The following SLC2A13 variants were observed in gnomAD, a reference collection of about 807,000 sequenced individuals.
SLC2A13 encodes the protein proton myo-inositol cotransporter.
In SLC2A13, 32 loss-of-function variants were observed where a neutral mutation model predicts 64.4. The observed-to-expected ratio is 0.50, with a 90% CI of 0.37 to 0.67. The LOEUF is 0.67. SLC2A13 is among the 30% of genes least tolerant of loss of function. The pLI is 0.00. For synonymous variants in SLC2A13, 338 were observed against 327.1 expected, an observed-to-expected ratio of 1.03 and a Z score of -0.36; for missense variants, 743 against 829.2, an observed-to-expected ratio of 0.90 and a Z score of 1.28.
At chr12:39,810,726 A>G (rs1942131752) in intron 7 of SLC2A13, among the ~76,000 whole-genome samples, 1 of 152,134 alleles carries the variant, frequency 6.6e-6, no homozygotes, top group Non-Finnish European at 1.5e-5. Flanking sequence ...ATGTATTAAG[A>G]TGATCATATG....
At chr12:40,013,717 G>A (rs1947571453) in intron 3 of SLC2A13, among the ~76,000 whole-genome samples, 1 of 152,172 alleles carries the variant, frequency 6.6e-6, no homozygotes, top group African/African-American at 2.4e-5. Context: ...TTTCACTAAT[G>A]TACAAAAGAT....
At chr12:39,897,480 T>C (rs906027327) in intron 4 of SLC2A13, among the ~76,000 whole-genome samples, 3 of 152,196 alleles carry the variant, frequency 2.0e-5, no homozygotes, top group East Asian at 1.9e-4. Context: ...CTACAGGGAA[T>C]TGTTATTGGA....
intron 7 of SLC2A13, among the ~76,000 whole-genome samples, chr12:39,789,078 C>T (rs867673974): frequency 4.6e-5 from 7 of 152,176 alleles, no homozygotes; most frequent in South Asian, 4.2e-4. Context: ...ATAAGATAAT[C>T]ACTGATTTAC....
Position 40,078,346 on chromosome 12 carries a change from G to GT in SLC2A13, c.556+26906dup, listed in dbSNP as rs556244110. 2.9e-3 allele frequency among the ~76,000 whole-genome samples: 446 copies of GT among 152,136 alleles called. 3 individuals carry two copies. Among genetic ancestry groups the GT allele is most frequent in the African/African-American group, 0.01 (418 of 41,508 alleles). ...TCCTTCAATGCCTACTTTGTTGAGG[G>GT]TTTTTTTACACGAAGGAATGTTGAA... On this transcript the variant is annotated intron_variant, in intron 1 of 9. Coordinates refer to ENST00000280871, the MANE Select transcript of SLC2A13 (RefSeq NM_052885.4).
intron 6 of SLC2A13, among the ~76,000 whole-genome samples, chr12:39,832,611 C>A (rs1942885960): frequency 6.6e-6 from 1 of 152,076 alleles, no homozygotes; most frequent in African/African-American, 2.4e-5. Flanking sequence ...ACACACTATG[C>A]TAGGTGCTGG....
chr12:40,079,552 T>C (rs1938312432), intron 1 of SLC2A13, among the ~76,000 whole-genome samples: 2 of 152,206 alleles, frequency 1.3e-5, no homozygotes, highest in South Asian at 2.1e-4. Flanking sequence ...GTATGTGCCA[T>C]GTGCAGGTGA....
Position 39,827,440 on chromosome 12 carries a change from C to T in SLC2A13, c.1445+2663G>A, listed in dbSNP as rs1566835880. ...GTAACTACAGAGGCAAGGCCTGGAG[C>T]TTATCTCACTCAGCATTAAAAACTC... On this transcript the variant is annotated intron_variant, in intron 7 of 9. Coordinates refer to ENST00000280871, the MANE Select transcript of SLC2A13 (RefSeq NM_052885.4). 2.6e-5 allele frequency among the ~76,000 whole-genome samples: 4 copies of T among 152,146 alleles called. No individual in the cohort carries two copies. In the East Asian group the frequency reaches 5.8e-4, roughly 22 times the overall value.
chr12:39,785,731 A>C (rs1941162408), intron 7 of SLC2A13, among the ~76,000 whole-genome samples: 1 of 152,112 alleles, frequency 6.6e-6, no homozygotes, highest in South Asian at 2.1e-4. Context: ...ACAGGGGCGG[A>C]GCTGCCCAAG....
intron 6 of SLC2A13, among the ~76,000 whole-genome samples, chr12:39,852,903 T>G (rs915935152): frequency 6.6e-6 from 1 of 152,184 alleles, no homozygotes; most frequent in African/African-American, 2.4e-5. Flanking sequence ...TTCATTCACA[T>G]AGGGTGTAAA....
intron 1 of SLC2A13, among the ~76,000 whole-genome samples, chr12:40,058,416 A>T (rs1005608708): frequency 2.0e-5 from 3 of 152,152 alleles, no homozygotes; most frequent in African/African-American, 7.2e-5. Context: ...TTACAGAGCA[A>T]TGAGAAGAAT....
At chr12:39,802,126 T>C (rs1941813505) in intron 7 of SLC2A13, 2 of 152,288 alleles carry the variant, frequency 1.3e-5, no homozygotes. Context: ...GCTGGTTTCA[T>C]GGGTGTGTAA....
At chr12:39,772,483 GC>G (rs1398257997) in intron 7 of SLC2A13, among the ~76,000 whole-genome samples, 1 of 151,898 alleles carries the variant, frequency 6.6e-6, no homozygotes, top group African/African-American at 2.4e-5. Flanking sequence ...GAATGATGAA[GC>G]TTTTACATTT....
intron 7 of SLC2A13, among the ~76,000 whole-genome samples, chr12:39,788,866 A>G (rs539974150): frequency 2.0e-5 from 3 of 152,166 alleles, no homozygotes; most frequent in Non-Finnish European, 4.4e-5. Flanking sequence ...ACTCATCTAC[A>G]TGTAGCCATC....
At chr12:40,016,198 C>G (rs1039732148) in intron 3 of SLC2A13, among the ~76,000 whole-genome samples, 2 of 151,808 alleles carry the variant, frequency 1.3e-5, no homozygotes, top group Non-Finnish European at 2.9e-5. Context: ...CACCACCCCC[C>G]CAAAAAAAAA....
At chr12:39,803,220 A>C (rs1400261241) in intron 7 of SLC2A13, among the ~76,000 whole-genome samples, 1 of 151,948 alleles carries the variant, frequency 6.6e-6, no homozygotes, top group Non-Finnish European at 1.5e-5. Flanking sequence ...AAAAAAAAAA[A>C]AACTTTCTAG....
intron 3 of SLC2A13, among the ~76,000 whole-genome samples, chr12:40,013,651 C>T (rs985201994): frequency 6.6e-6 from 1 of 152,222 alleles, no homozygotes; most frequent in Non-Finnish European, 1.5e-5. Flanking sequence ...GTAAGCCACT[C>T]AGACACTATA....
At chr12:40,008,606 G>A (rs758436062) in intron 3 of SLC2A13, among the ~76,000 whole-genome samples, 2 of 145,830 alleles carry the variant, frequency 1.4e-5, no homozygotes, top group African/African-American at 2.6e-5. Flanking sequence ...GCGAGACTGC[G>A]TCACTCCAAA....
In SLC2A13 at chr12:40,105,446, C is replaced by A; in HGVS notation, c.363G>T (p.Glu121Asp). 6.4e-7 allele frequency: 1 copy of A among 1,556,572 alleles called. No individual in the cohort carries two copies. The highest frequency in any genetic ancestry group is 8.7e-7 in the Non-Finnish European group (1 of 1,150,940). ...CCCCCACCGTGCTGGACACCAGCAG[C>A]TCCTGCCACAGCGCGTCCAGACTGA... ...RQLSLDALWQ[E>D]LLVSSTVGAA... Residue 121 changes from glutamate (E) to aspartate (D), a missense_variant, in exon 1 of 10, where the codon GAG becomes GAT. Glu to Asp is a conservative substitution (Grantham distance 45). Coordinates refer to ENST00000280871, the MANE Select transcript of SLC2A13 (RefSeq NM_052885.4). This position sits in a 1 kb window ranked among gnomAD's most constrained non-coding sequence, Gnocchi z 4.2.
At chr12:40,048,272 C>A in intron 1 of SLC2A13, 62 bp from the exon 2 acceptor site, 1 of 1,502,280 alleles carries the variant, frequency 6.7e-7, no homozygotes, top group South Asian at 1.3e-5. Flanking sequence ...GCAATAAATA[C>A]TAATGCTAGA....
Sources: gnomAD v4.1 joint callset for allele counts (sites outside exome capture counted in the v4.1 genomes callset) on GRCh38, gnomAD v4.1.1 for gene constraint, Gnocchi (gnomAD v3.1) non-coding constraint, MANE v1.5 for transcripts, NCBI Gene and HGNC (gene_info 2026-07-23, HGNC 2026-07-21) for gene names.